The following DTNA variants were observed in gnomAD, a reference collection of about 807,000 sequenced individuals.
DTNA encodes the protein dystrophin-related protein 3.
In DTNA, 43 loss-of-function variants were observed where a neutral mutation model predicts 100.7. The ratio of observed to expected loss-of-function variants is 0.43; its 90% CI spans 0.33 to 0.55. The LOEUF is 0.55. Ranked by LOEUF, DTNA falls within the 20% of genes least tolerant of loss-of-function variation. The pLI is 0.04. For missense variants in DTNA, 798 were observed against 953.9 expected, an observed-to-expected ratio of 0.84 and a Z score of 2.15; for synonymous variants, 349 against 347.9, an observed-to-expected ratio of 1.00 and a Z score of -0.04.
intron 8 of DTNA, among the ~76,000 whole-genome samples, chr18:34,819,989 C>T (rs1175468991): frequency 7.0e-6 from 1 of 142,490 alleles, no homozygotes; most frequent in African/African-American, 2.5e-5. Flanking sequence ...TTTGCCATTA[C>T]TTTCAAATGG....
chr18:34,761,061 C>T (rs1457199297), intron 2 of DTNA, among the ~76,000 whole-genome samples: 1 of 151,904 alleles, frequency 6.6e-6, no homozygotes, highest in Non-Finnish European at 1.5e-5. Context: ...CCCCAAACTC[C>T]TTTATCTTCC....
chr18:34,543,192 T>C (rs1437752419), intron 1 of DTNA, among the ~76,000 whole-genome samples: 1 of 151,988 alleles, frequency 6.6e-6, no homozygotes, highest in Non-Finnish European at 1.5e-5. Context: ...TGCTGCGGTG[T>C]TGTCAGTCAT....
intron 2 of DTNA, 83 bp downstream of exon 2, chr18:34,756,126 G>T: frequency 6.8e-7 from 1 of 1,474,958 alleles, no homozygotes; most frequent in South Asian, 1.2e-5. Context: ...TTATCTTTAT[G>T]ATATTTGTAC....
At chr18:34,658,982 G>T (rs938841924) in intron 1 of DTNA, among the ~76,000 whole-genome samples, 1 of 152,196 alleles carries the variant, frequency 6.6e-6, no homozygotes, top group Admixed American at 6.5e-5. Flanking sequence ...ATGTTGCACT[G>T]TTCTTTAGCT....
intron 22 of DTNA, among the ~76,000 whole-genome samples, chr18:34,885,336 C>T (rs1265982239): frequency 6.6e-6 from 1 of 152,156 alleles, no homozygotes; most frequent in Non-Finnish European, 1.5e-5. Flanking sequence ...TGGAATTCAG[C>T]AGTATATAAA....
intron 1 of DTNA, among the ~76,000 whole-genome samples, chr18:34,676,561 C>T (rs549211948): frequency 1.3e-5 from 2 of 152,218 alleles, no homozygotes; most frequent in African/African-American, 2.4e-5. Flanking sequence ...GGGCCAGGCA[C>T]GGTGGTTCAA....
chr18:34,654,430 A>G (rs2074061142), intron 1 of DTNA, among the ~76,000 whole-genome samples: 1 of 152,184 alleles, frequency 6.6e-6, no homozygotes, highest in African/African-American at 2.4e-5. Flanking sequence ...TTACCTTTAT[A>G]TTAAAGATGA....
At chr18:34,560,241 G>A (rs537701663) in intron 1 of DTNA, among the ~76,000 whole-genome samples, 90 of 152,262 alleles carry the variant, frequency 5.9e-4, no homozygotes, top group African/African-American at 2.0e-3. Context: ...CAAACTCCTT[G>A]AGAGCAGGAA....
chr18:34,757,889 T>TC (rs1202114445), intron 2 of DTNA, among the ~76,000 whole-genome samples: 1 of 152,188 alleles, frequency 6.6e-6, no homozygotes, highest in Non-Finnish European at 1.5e-5. Flanking sequence ...ATATCTTTCC[T>TC]CCCTGGGTGT....
intron 1 of DTNA, among the ~76,000 whole-genome samples, chr18:34,514,218 T>C (rs1468113365): frequency 6.6e-6 from 1 of 151,992 alleles, no homozygotes; most frequent in East Asian, 1.9e-4. Flanking sequence ...GTGCATGTGT[T>C]TGTGTATGTG....
Position 34,818,492 on chromosome 18 carries a change from T to TCG in DTNA, c.876+163_876+164insGC. The TCG allele has an allele frequency of 5.3e-6, 8 of 1,513,518 alleles. No homozygotes were observed. In the South Asian group the frequency reaches 6.2e-5, roughly 12 times the overall value. The allele number at this position is 1,513,518 out of a possible 1,614,324, so 93.8% of individuals were successfully genotyped here. ...TCCCACTCTCCACCCTACTGCGTGC[T>TCG]CTTACTTATTCTGTTGGAACCCAGT... is the stretch of plus-strand genomic sequence containing the variant. On this transcript the variant is annotated intron_variant, in intron 8 of 22. Coordinates refer to ENST00000444659, the MANE Select transcript of DTNA (RefSeq NM_001386795.1).
At chr18:34,498,436 AAATAATATAAT>A (rs1007408018) in intron 1 of DTNA, among the ~76,000 whole-genome samples, 1 of 98,130 alleles carries the variant, frequency 1.0e-5, no homozygotes, top group Admixed American at 1.1e-4. Context: ...CCATCTCAGA[AAATAATATAAT>A]AATAATAATA....
chr18:34,860,040 T>C (rs2096599490), intron 16 of DTNA, among the ~76,000 whole-genome samples: 1 of 151,746 alleles, frequency 6.6e-6, no homozygotes. Context: ...TTTCTTTTTG[T>C]TTTTGTTTGT....
At chr18:34,749,643 A>AAATAATAATAATAATAAT (rs71166024) in intron 1 of DTNA, among the ~76,000 whole-genome samples, 3 of 39,810 alleles carry the variant, frequency 7.5e-5, no homozygotes, top group African/African-American at 2.2e-4. Context: ...TCTCTCCAAA[A>AAATAATAATAATAATAAT]AATAATAATA....
At chr18:34,811,188 G>A (rs946928132) in intron 5 of DTNA, among the ~76,000 whole-genome samples, 7 of 152,062 alleles carry the variant, frequency 4.6e-5, no homozygotes, top group African/African-American at 1.7e-4. Context: ...AAACACCTTG[G>A]GAAATTATGC....
intron 1 of DTNA, among the ~76,000 whole-genome samples, chr18:34,687,771 T>C (rs1450323206): frequency 6.6e-6 from 1 of 152,198 alleles, no homozygotes; most frequent in African/African-American, 2.4e-5. Context: ...TGTGGGAATA[T>C]AGGTCTCTTT....
chr18:34,782,967 G>C (rs1235402617), intron 3 of DTNA, among the ~76,000 whole-genome samples: 1 of 152,156 alleles, frequency 6.6e-6, no homozygotes, highest in Non-Finnish European at 1.5e-5. Context: ...GGAATGATAA[G>C]ACCACATTAA....
intron 1 of DTNA, among the ~76,000 whole-genome samples, chr18:34,638,308 T>G (rs2058873174): frequency 6.6e-6 from 1 of 152,240 alleles, no homozygotes; most frequent in Non-Finnish European, 1.5e-5. Flanking sequence ...TTTAATAAAT[T>G]TTTAAAATAC....
chr18:34,831,352 C>T (rs1623775), intron 11 of DTNA, among the ~76,000 whole-genome samples: 1 of 152,094 alleles, frequency 6.6e-6, no homozygotes, highest in South Asian at 2.1e-4. Flanking sequence ...TATATAACAT[C>T]TAGCCAGGTC....
Sources: gnomAD v4.1 joint callset for allele counts (sites outside exome capture counted in the v4.1 genomes callset) on GRCh38, gnomAD v4.1.1 for gene constraint, MANE v1.5 for transcripts, NCBI Gene and HGNC (gene_info 2026-07-23, HGNC 2026-07-21) for gene names.